Variants in PLD5 observed in about 807,000 individuals in gnomAD.
PLD5 encodes the protein phospholipase D family member 5, also known as inactive phospholipase D5.
Under a neutral mutation model 61.1 loss-of-function variants are expected in PLD5, and 36 were observed. The observed-to-expected ratio is 0.59, with a 90% confidence interval of 0.45 to 0.78. The LOEUF (loss-of-function observed/expected upper bound fraction) is 0.78, where lower values mean the gene tolerates loss of function less well. PLD5 is among the 30% of genes least tolerant of loss of function. The pLI is 0.00. For missense variants in PLD5, 515 were observed against 644.4 expected, an observed-to-expected ratio of 0.80 and a Z score of 2.17; for synonymous variants, 243 against 242.8, an observed-to-expected ratio of 1.00 and a Z score of -0.01.
intron 5 of PLD5, among the ~76,000 whole-genome samples, chr1:242,173,595 C>A: frequency 6.6e-6 from 1 of 152,162 alleles, no homozygotes; most frequent in Admixed American, 6.5e-5. Flanking sequence ...CAAGACAATC[C>A]TAAGCCAAAA....
intron 4 of PLD5, among the ~76,000 whole-genome samples, chr1:242,262,366 C>T (rs1456326331): frequency 2.0e-5 from 3 of 152,304 alleles, no homozygotes; most frequent in Admixed American, 6.5e-5. Context: ...CATCTTGACC[C>T]GTGACGGTTT....
intron 5 of PLD5, among the ~76,000 whole-genome samples, chr1:242,212,951 G>C (rs868164263): frequency 6.6e-6 from 1 of 152,160 alleles, no homozygotes. Context: ...ATTAGATAAA[G>C]AGCAATTAAA....
intron 1 of PLD5, among the ~76,000 whole-genome samples, chr1:242,416,856 A>G (rs1024384762): frequency 6.6e-6 from 1 of 152,188 alleles, no homozygotes; most frequent in Non-Finnish European, 1.5e-5. Context: ...ATATGTGCCA[A>G]CTCTGATGCC....
intron 2 of PLD5, among the ~76,000 whole-genome samples, chr1:242,301,918 CT>C (rs1419246706): frequency 1.3e-5 from 2 of 152,124 alleles, no homozygotes; most frequent in Admixed American, 6.5e-5. Flanking sequence ...GCTGGGATTA[CT>C]AGGGCCTGCC....
chr1:242,220,711 T>TA (rs1670521833), intron 4 of PLD5, among the ~76,000 whole-genome samples: 11 of 58,470 alleles, frequency 1.9e-4, no homozygotes, highest in African/African-American at 1.1e-3. Context: ...TAATTTATAT[T>TA]TTATTTTATT....
At chr1:242,402,743 T>C (rs1321750124) in intron 1 of PLD5, among the ~76,000 whole-genome samples, 1 of 152,196 alleles carries the variant, frequency 6.6e-6, no homozygotes, top group East Asian at 1.9e-4. Context: ...TCAAAGGAAG[T>C]TTATCTTAAA....
chr1:242,384,865 A>T (rs1444691992), intron 1 of PLD5, among the ~76,000 whole-genome samples: 4 of 152,220 alleles, frequency 2.6e-5, no homozygotes, highest in African/African-American at 9.6e-5. Flanking sequence ...ACTAAAAGAA[A>T]CAACACATGC....
At chr1:242,311,936 A>AT (rs1044388388) in intron 2 of PLD5, among the ~76,000 whole-genome samples, 2 of 147,820 alleles carry the variant, frequency 1.4e-5, no homozygotes, top group African/African-American at 5.0e-5. Context: ...CTCATCAATG[A>AT]TTTTAAATGA....
At chr1:242,278,584 C>T (rs1674542949) in intron 3 of PLD5, among the ~76,000 whole-genome samples, 1 of 152,166 alleles carries the variant, frequency 6.6e-6, no homozygotes, top group Non-Finnish European at 1.5e-5. Context: ...AGCTCTGCTG[C>T]ACAGTTCAAA....
At chr1:242,097,771 T>G (rs1052230554) in intron 9 of PLD5, among the ~76,000 whole-genome samples, 2 of 152,256 alleles carry the variant, frequency 1.3e-5, no homozygotes, top group African/African-American at 4.8e-5. Flanking sequence ...TTTGTCAATT[T>G]TGGCATTTGT....
chr1:242,348,052 C>T (rs766717956), intron 2 of PLD5, 54 bp downstream of exon 2: 1 of 1,593,478 alleles, frequency 6.3e-7, no homozygotes, highest in Non-Finnish European at 8.6e-7. Flanking sequence ...TCAAGGCCCT[C>T]TTTGGATTTC....
At position 242,316,002 on chromosome 1, in the gene PLD5, A is replaced by G. The variant is rs193118735; in HGVS notation, c.327-27472T>C. Among the ~76,000 whole-genome samples, 267 of 152,328 alleles carry G rather than the reference A, an allele frequency of 1.8e-3. 2 individuals carry two copies. The highest frequency in any genetic ancestry group is 6.1e-3 in the African/African-American group (255 of 41,576). On this transcript the variant is annotated intron_variant, in intron 2 of 9. Transcript: ENST00000536534. ...TGGGCCTGGGCTTGAATCCTCGGTC[A>G]GTCATTCTCTACCATGGTGACCTTG...
intron 5 of PLD5, among the ~76,000 whole-genome samples, chr1:242,135,767 C>T (rs1413634103): frequency 6.6e-6 from 1 of 152,106 alleles, no homozygotes; most frequent in African/African-American, 2.4e-5. Context: ...TTGAGATCCA[C>T]CCTCTCACTC....
At chr1:242,235,226 A>G (rs1047337850) in intron 4 of PLD5, among the ~76,000 whole-genome samples, 3 of 152,204 alleles carry the variant, frequency 2.0e-5, no homozygotes, top group African/African-American at 7.2e-5. Flanking sequence ...GGCCACATCC[A>G]GAGGCATTCA....
intron 1 of PLD5, among the ~76,000 whole-genome samples, chr1:242,388,813 G>A (rs1015129058): frequency 2.0e-5 from 3 of 152,016 alleles, no homozygotes; most frequent in African/African-American, 4.8e-5. Context: ...AAAATTAACT[G>A]GGCGTGGTGG....
chr1:242,395,245 C>G (rs1486934121), intron 1 of PLD5, among the ~76,000 whole-genome samples: 1 of 151,884 alleles, frequency 6.6e-6, no homozygotes, highest in Non-Finnish European at 1.5e-5. Flanking sequence ...CAGCAAGTAG[C>G]TTTCATGATG....
At chr1:242,321,954 A>G (rs1658443288) in intron 2 of PLD5, among the ~76,000 whole-genome samples, 1 of 152,234 alleles carries the variant, frequency 6.6e-6, no homozygotes, top group African/African-American at 2.4e-5. Flanking sequence ...AGAGGCAAAA[A>G]GAAACCCTGC....
rs1230086552 is a variant in PLD5, at chr1:242,084,274, C to T, written c.*5580G>A. 6.6e-6 allele frequency: 1 copy of T among 151,188 alleles called. No homozygotes were observed. The highest frequency in any genetic ancestry group is 1.5e-5 in the Non-Finnish European group (1 of 67,804). 9.4% of individuals were successfully genotyped at this position (151,188 alleles called of 1,614,324 possible). Reference sequence around the variant, plus strand: ...GCAGACTCAAAGTTCACTTTTAAGCCTTTGCTAACCTCTCCAATGATAGTT... The same window carrying T: ...GCAGACTCAAAGTTCACTTTTAAGCTTTTGCTAACCTCTCCAATGATAGTT... On this transcript the variant is annotated 3_prime_UTR_variant, in exon 10 of 10. Transcript: ENST00000536534.
intron 5 of PLD5, among the ~76,000 whole-genome samples, chr1:242,165,304 T>G (rs928226631): frequency 6.6e-6 from 1 of 152,172 alleles, no homozygotes; most frequent in Non-Finnish European, 1.5e-5. Context: ...AGAAAGCATC[T>G]TCTCCAGTGC....
Sources: allele counts gnomAD v4.1 joint callset (sites outside exome capture counted in the v4.1 genomes callset), GRCh38; gene constraint gnomAD v4.1.1; transcripts MANE v1.5; gene names NCBI Gene and HGNC (gene_info 2026-07-23, HGNC 2026-07-21).